The following TMEM106B variants were observed in gnomAD, a reference collection of about 807,000 sequenced individuals.
TMEM106B encodes transmembrane protein 106B.
In TMEM106B, 15 loss-of-function variants were observed where a neutral mutation model predicts 31.1. The ratio of observed to expected loss-of-function variants is 0.48; its 90% CI spans 0.32 to 0.74. The LOEUF (loss-of-function observed/expected upper bound fraction) is 0.74. Among genes scored for constraint, TMEM106B ranks in the 30% least tolerant of loss-of-function variants. The probability of loss-of-function intolerance (pLI) is 0.03; values close to 1 mark genes in which losing one functional copy is unlikely to be tolerated. For missense variants in TMEM106B, 283 were observed against 327.3 expected, an observed-to-expected ratio of 0.86 and a Z score of 1.04; for synonymous variants, 126 against 112.5, an observed-to-expected ratio of 1.12 and a Z score of -0.76.
rs1303102485 is a variant in TMEM106B at position 12,214,854 on chromosome 7, A to G, written c.44A>G (p.Glu15Gly). The change falls in exon 2 of 8, where the codon GAA (glutamate) becomes GGA (glycine). Residue 15 changes from glutamate to glycine, a missense_variant. Coordinates refer to ENST00000396668, the MANE Select transcript of TMEM106B (RefSeq NM_001134232.2). ...LSHLPLHSSK[E>G]DAYDGVTSEN... ...CATTTGCCTTTGCATTCAAGCAAAGAAGATGCTTATGATGGAGTCACATCT... is the reference window on the plus strand; with the variant it reads ...CATTTGCCTTTGCATTCAAGCAAAGGAGATGCTTATGATGGAGTCACATCT... 1 of 1,613,870 alleles carries G rather than the reference A, an allele frequency of 6.2e-7. No individual in the cohort carries two copies. Among genetic ancestry groups the G allele is most frequent in the Non-Finnish European group, 8.5e-7 (1 of 1,179,882 alleles).
Position 12,238,882 on chromosome 7 carries a change from T to C in TMEM106B, c.*6907T>C, listed in dbSNP as rs1438414661. On this transcript the variant is annotated 3_prime_UTR_variant, in exon 8 of 8. Transcript: ENST00000396668. ...ACACAGGCAGAGTAGGTAAAAGTTT[T>C]AAGGGTCCTAGGATTTTCAGGATGG... 1 of 152,130 alleles carries C rather than the reference T, an allele frequency of 6.6e-6. No homozygotes were observed. The highest frequency in any genetic ancestry group is 1.5e-5 in the Non-Finnish European group (1 of 68,024). The allele number at this position is 152,130 out of a possible 1,614,324, so 9.4% of individuals were successfully genotyped here. A position where few individuals can be genotyped will look rare whatever the true frequency, so the allele number is the denominator to read the frequency against.
chr7:12,217,845 A>G (rs1410978122), intron 2 of TMEM106B, among the ~76,000 whole-genome samples: 2 of 152,152 alleles, frequency 1.3e-5, no homozygotes, highest in Non-Finnish European at 1.5e-5. Flanking sequence ...ATTGGCATTT[A>G]AAGGTCCATT....
intron 2 of TMEM106B, 25 bp downstream of exon 2, chr7:12,215,052 C>T (rs745411857): frequency 1.9e-6 from 3 of 1,583,106 alleles, no homozygotes; most frequent in East Asian, 2.2e-5. Context: ...ATTGTTTTCC[C>T]TTTAAATGAT....
intron 3 of TMEM106B, among the ~76,000 whole-genome samples, chr7:12,219,479 T>A (rs927418390): frequency 6.6e-6 from 1 of 152,198 alleles, no homozygotes; most frequent in Non-Finnish European, 1.5e-5. Flanking sequence ...TATACAAATA[T>A]ACTTTTTAAG....
At chr7:12,217,530 T>C (rs1328530814) in intron 2 of TMEM106B, among the ~76,000 whole-genome samples, 7 of 152,176 alleles carry the variant, frequency 4.6e-5, no homozygotes. Flanking sequence ...TTTTTCTGTG[T>C]CCATGTTTAG....
Position 12,240,908 on chromosome 7 carries a change from G to C in TMEM106B, c.*8933G>C, listed in dbSNP as rs1223534354. ...GTCACTTCTTCAGTGATAACTTACT[G>C]AGTGTGATTCAACAAAACTGCTTTG... On this transcript the variant is annotated 3_prime_UTR_variant, in exon 8 of 8. Transcript: ENST00000396668. 1 of 152,098 alleles carries C rather than the reference G, an allele frequency of 6.6e-6. No individual in the cohort carries two copies. Among genetic ancestry groups the C allele is most frequent in the African/African-American group, 2.4e-5 (1 of 41,430 alleles). 9.4% of individuals were successfully genotyped at this position (152,098 alleles called of 1,614,324 possible).
At chr7:12,231,189 C>T (rs2302633) in intron 7 of TMEM106B, 74 bp downstream of exon 7, 488,967 of 1,122,306 alleles carry the variant, frequency 0.44, 113,456 homozygotes, top group African/African-American at 0.66. Context: ...TTATAATATA[C>T]ACAACATCTT....
intron 4 of TMEM106B, among the ~76,000 whole-genome samples, chr7:12,227,158 A>T (rs1781917696): frequency 6.6e-6 from 1 of 152,074 alleles, no homozygotes; most frequent in Non-Finnish European, 1.5e-5. Context: ...GAAAAATAAG[A>T]TTATTTGGAT....
rs916358811 is a variant in TMEM106B at position 12,235,841 on chromosome 7, A to G, written c.*3866A>G. Reference sequence around the variant, plus strand: ...AATTGAATTACAAGTTACTAGGGTTATAAGCAAAAGGTTGCTTACCATAAT... The same window carrying G: ...AATTGAATTACAAGTTACTAGGGTTGTAAGCAAAAGGTTGCTTACCATAAT... On this transcript the variant is annotated 3_prime_UTR_variant, in exon 8 of 8. Coordinates refer to ENST00000396668, the MANE Select transcript of TMEM106B (RefSeq NM_001134232.2). 3 of 151,936 alleles carry G rather than the reference A, an allele frequency of 2.0e-5. No homozygotes were observed. The highest frequency in any genetic ancestry group is 4.8e-5 in the African/African-American group (2 of 41,430). The allele number at this position is 151,936 out of a possible 1,614,324, so 9.4% of individuals were successfully genotyped here. A position where few individuals can be genotyped will look rare whatever the true frequency, so the allele number is the denominator to read the frequency against.
At position 12,215,625 on chromosome 7, in the gene TMEM106B, C is replaced by A. The variant is rs10261090; in HGVS notation, c.217+598C>A. On this transcript the variant is annotated intron_variant, in intron 2 of 7. Coordinates refer to ENST00000396668, the MANE Select transcript of TMEM106B (RefSeq NM_001134232.2). ...TAAGGATGGAGTTTCCCCATGTTTC[C>A]CAGGATGATGTCGAATTCTTGGGCT... 513 of 376,430 alleles carry A rather than the reference C, an allele frequency of 1.4e-3. 3 individuals carry two copies. Among genetic ancestry groups the A allele is most frequent in the African/African-American group, 9.7e-3 (455 of 47,018 alleles). The allele number at this position is 376,430 out of a possible 1,614,324, so 23.3% of individuals were successfully genotyped here. A position where few individuals can be genotyped will look rare whatever the true frequency, so the allele number is the denominator to read the frequency against.
At chr7:12,215,263 C>T (rs186099880) in intron 2 of TMEM106B, among the ~76,000 whole-genome samples, 272 of 152,284 alleles carry the variant, frequency 1.8e-3, no homozygotes, top group Non-Finnish European at 2.9e-3. Context: ...TTCATTCCCA[C>T]CTGCTATTAT....
rs13234969 is a variant in TMEM106B at position 12,237,812 on chromosome 7, T to A, written c.*5837T>A. The A allele has an allele frequency of 1.0e-5, 1 of 97,806 alleles. No homozygotes were observed. The highest frequency in any genetic ancestry group is 2.4e-4 in the East Asian group (1 of 4,104). The allele number at this position is 97,806 out of a possible 1,614,324, so 6.1% of individuals were successfully genotyped here. On this transcript the variant is annotated 3_prime_UTR_variant, in exon 8 of 8. Transcript: ENST00000396668. ...ATGGCGAGACCCCATATAAAATATA[T>A]ACATACACACACACACACACACACA...
rs891770167 is a variant in TMEM106B at position 12,242,946 on chromosome 7, A to G, written c.*10971A>G. The G allele has an allele frequency of 6.6e-6, 1 of 152,170 alleles. No individual in the cohort carries two copies. Among genetic ancestry groups the G allele is most frequent in the African/African-American group, 2.4e-5 (1 of 41,460 alleles). The allele number at this position is 152,170 out of a possible 1,614,324, so 9.4% of individuals were successfully genotyped here. A position where few individuals can be genotyped will look rare whatever the true frequency, so the allele number is the denominator to read the frequency against. ...TGCCTATGTACCTATACTAGAACATAGTAAACATGAGAACAGGGAATCTTG... is the reference window on the plus strand; with the variant it reads ...TGCCTATGTACCTATACTAGAACATGGTAAACATGAGAACAGGGAATCTTG... On this transcript the variant is annotated 3_prime_UTR_variant, in exon 8 of 8. Coordinates refer to ENST00000396668, the MANE Select transcript of TMEM106B (RefSeq NM_001134232.2).
intron 5 of TMEM106B, 144 bp downstream of exon 5, chr7:12,229,963 TC>T: frequency 2.2e-6 from 2 of 930,216 alleles, no homozygotes; most frequent in East Asian, 2.7e-5. Flanking sequence ...ATGCCTGTGA[TC>T]CCCGCACCTT....
chr7:12,240,485 TTG>T lies in TMEM106B; in HGVS notation c.*8514_*8515del, dbSNP rs1316084251. The T allele has an allele frequency of 6.6e-6, 1 of 152,172 alleles. No individual in the cohort carries two copies. The highest frequency in any genetic ancestry group is 2.4e-5 in the African/African-American group (1 of 41,442). The allele number at this position is 152,172 out of a possible 1,614,324, so 9.4% of individuals were successfully genotyped here. On this transcript the variant is annotated 3_prime_UTR_variant, in exon 8 of 8. Coordinates refer to ENST00000396668, the MANE Select transcript of TMEM106B (RefSeq NM_001134232.2). ...CAAACAATTTTTGTCAGCTTAGAGG[TTG>T]TGTTTTAATTACTATTTTTAAAATC...
In TMEM106B at chr7:12,231,347, C is replaced by A. The variant is rs376228437; in HGVS notation, c.686+232C>A. On this transcript the variant is annotated intron_variant, in intron 7 of 7. Coordinates refer to ENST00000396668, the MANE Select transcript of TMEM106B (RefSeq NM_001134232.2). ...AGTGAATCTGGATGTCACAAGAGTT[C>A]AGGAAAATGGAAAGGATACAGGGAA... is the stretch of plus-strand genomic sequence containing the variant. 1.5e-5 allele frequency: 6 copies of A among 408,442 alleles called. 1 individual carries two copies. Among genetic ancestry groups the A allele is most frequent in the African/African-American group, 8.4e-5 (4 of 47,542 alleles). 25.3% of individuals were successfully genotyped at this position (408,442 alleles called of 1,614,324 possible).
Position 12,240,300 on chromosome 7 carries a change from CCT to C in TMEM106B, c.*8330_*8331del, listed in dbSNP as rs758189485. 6.6e-6 allele frequency: 1 copy of C among 152,122 alleles called. No homozygotes were observed. Among genetic ancestry groups the C allele is most frequent in the Admixed American group, 6.6e-5 (1 of 15,252 alleles). The allele number at this position is 152,122 out of a possible 1,614,324, so 9.4% of individuals were successfully genotyped here. ...TTCAATGCCCACTTCGTGTCCAACCCCTCTCTACTTTCCCTCTAAACTTACTC... is the reference window on the plus strand; with the variant it reads ...TTCAATGCCCACTTCGTGTCCAACCCCTCTACTTTCCCTCTAAACTTACTC... On this transcript the variant is annotated 3_prime_UTR_variant, in exon 8 of 8. Coordinates refer to ENST00000396668, the MANE Select transcript of TMEM106B (RefSeq NM_001134232.2).
intron 4 of TMEM106B, among the ~76,000 whole-genome samples, chr7:12,225,759 A>T (rs1402828677): frequency 6.6e-6 from 1 of 152,012 alleles, no homozygotes; most frequent in Non-Finnish European, 1.5e-5. Flanking sequence ...GATATTAGCC[A>T]TTTGTCAGAT....
chr7:12,228,635 T>C lies in TMEM106B; in HGVS notation c.442-1044T>C, dbSNP rs1781952613. ...GTGGAATCGGTGCTCAGAAGTAGGATTGCCCGATCAAAGTCTATACATAAT... is the reference window on the plus strand; with the variant it reads ...GTGGAATCGGTGCTCAGAAGTAGGACTGCCCGATCAAAGTCTATACATAAT... On this transcript the variant is annotated intron_variant, in intron 4 of 7. Transcript: ENST00000396668. Among the ~76,000 whole-genome samples the C allele has an allele frequency of 2.6e-5, 4 of 151,940 alleles. No homozygotes were observed. The South Asian group carries it at 8.3e-4, about 31-fold the overall frequency.
Sources: gnomAD v4.1 joint callset for allele counts (sites outside exome capture counted in the v4.1 genomes callset) on GRCh38, gnomAD v4.1.1 for gene constraint, MANE v1.5 for transcripts, NCBI Gene and HGNC (gene_info 2026-07-23, HGNC 2026-07-21) for gene names.